Variants in CDC73 observed in about 807,000 individuals in gnomAD.
The protein encoded by CDC73 is cell division cycle 73.
In CDC73, 21 loss-of-function variants were observed where a neutral mutation model predicts 83.7. The ratio of observed to expected loss-of-function variants is 0.25; its 90% CI spans 0.18 to 0.36. The LOEUF (loss-of-function observed/expected upper bound fraction) is 0.36, where lower values mean the gene tolerates loss of function less well. CDC73 is among the 10% of genes least tolerant of loss of function. The pLI is 1.00. For missense variants in CDC73, 342 were observed against 653.3 expected (o/e 0.52, Z 5.19); for synonymous variants, 224 against 212.9 (o/e 1.05, Z -0.45).
At chr1:193,224,768 AT>A (rs1219140439) in intron 13 of CDC73, among the ~76,000 whole-genome samples, 2 of 152,152 alleles carry the variant, frequency 1.3e-5, no homozygotes, top group East Asian at 3.9e-4. Context: ...TATCAAAATA[AT>A]TATTTCAGAC....
At chr1:193,212,207 T>C (rs1677291527) in intron 12 of CDC73, 107 bp downstream of exon 12, 1 of 987,452 alleles carries the variant, frequency 1.0e-6, no homozygotes, top group Non-Finnish European at 1.6e-6. Context: ...GTGCTTGGTA[T>C]CCATTCTGAT....
intron 10 of CDC73, among the ~76,000 whole-genome samples, chr1:193,199,989 A>G (rs1677061626): frequency 6.6e-6 from 1 of 151,574 alleles, no homozygotes; most frequent in Non-Finnish European, 1.5e-5. Context: ...CACACCTGTA[A>G]TCCTAGCACT....
At chr1:193,124,891 A>G (rs553211296) in intron 1 of CDC73, among the ~76,000 whole-genome samples, 1 of 152,330 alleles carries the variant, frequency 6.6e-6, no homozygotes, top group African/African-American at 2.4e-5. Context: ...ACCTTAGAGT[A>G]TGAATTTTTT....
Position 193,236,240 on chromosome 1 carries a change from A to G in CDC73, c.1317-16A>G. ...GTCTGTCCCCTACCTCCCCCCACCC[A>G]CTTTTCTACTTGTAGGGACCGCGTT... On this transcript the variant is annotated splice_polypyrimidine_tract_variant and intron_variant, in intron 14 of 16. Coordinates refer to ENST00000367435, the MANE Select transcript of CDC73 (RefSeq NM_024529.5). The G allele has an allele frequency of 6.4e-7, 1 of 1,562,570 alleles. No homozygotes were observed. Among genetic ancestry groups the G allele is most frequent in the Non-Finnish European group, 8.8e-7 (1 of 1,133,192 alleles).
intron 10 of CDC73, among the ~76,000 whole-genome samples, chr1:193,172,537 G>T (rs1676533624): frequency 6.6e-6 from 1 of 152,100 alleles, no homozygotes; most frequent in Non-Finnish European, 1.5e-5. Context: ...GAGATGGATA[G>T]TTCATCCCAG....
chr1:193,144,982 C>T (rs1675971538), intron 7 of CDC73, among the ~76,000 whole-genome samples: 1 of 152,012 alleles, frequency 6.6e-6, no homozygotes, highest in Admixed American at 6.6e-5. Context: ...TCTTTTTCCA[C>T]CCATAAGTAA....
At chr1:193,169,267 G>A (rs923374188) in intron 10 of CDC73, among the ~76,000 whole-genome samples, 37 of 152,050 alleles carry the variant, frequency 2.4e-4, no homozygotes, top group African/African-American at 8.7e-4. Flanking sequence ...GAATGATGCT[G>A]GGTATGGTGG....
intron 10 of CDC73, among the ~76,000 whole-genome samples, chr1:193,157,222 A>G (rs568628072): frequency 1.3e-5 from 2 of 152,284 alleles, no homozygotes; most frequent in East Asian, 3.9e-4. Context: ...GTTATTGTAT[A>G]TATTTTAAGG....
intron 10 of CDC73, among the ~76,000 whole-genome samples, chr1:193,153,627 G>T (rs1676158895): frequency 6.6e-6 from 1 of 152,108 alleles, no homozygotes; most frequent in Admixed American, 6.5e-5. Flanking sequence ...CTGATTTTAA[G>T]TTTGTTTTTT....
intron 11 of CDC73, among the ~76,000 whole-genome samples, chr1:193,207,655 C>T (rs1328553693): frequency 1.3e-5 from 2 of 152,146 alleles, no homozygotes; most frequent in Non-Finnish European, 2.9e-5. Flanking sequence ...CTGCCTGACC[C>T]CACAGGCAGG....
chr1:193,212,999 C>T (rs1677303976), intron 13 of CDC73, among the ~76,000 whole-genome samples: 1 of 152,098 alleles, frequency 6.6e-6, no homozygotes, highest in Admixed American at 6.5e-5. Context: ...TGAATACAGT[C>T]ACACTTGTAC....
At chr1:193,129,426 C>T in intron 2 of CDC73, among the ~76,000 whole-genome samples, 1 of 151,828 alleles carries the variant, frequency 6.6e-6, no homozygotes, top group African/African-American at 2.4e-5. Flanking sequence ...GCCACTGTGC[C>T]TGGTCATTGC....
At chr1:193,151,054 A>G (rs1191912844) in intron 9 of CDC73, among the ~76,000 whole-genome samples, 1 of 152,192 alleles carries the variant, frequency 6.6e-6, no homozygotes, top group Admixed American at 6.6e-5. Context: ...TTACTTTGTG[A>G]TAGTCTACGT....
intron 10 of CDC73, among the ~76,000 whole-genome samples, chr1:193,167,332 A>G (rs1676450146): frequency 6.6e-6 from 1 of 152,214 alleles, no homozygotes; most frequent in South Asian, 2.1e-4. Context: ...GGCTACTCAT[A>G]GAGGCTAATT....
rs954310282 is a variant in CDC73 at position 193,252,249 on chromosome 1, C to T, written c.*1537C>T. The stretch of plus-strand genomic sequence containing the variant: ...TACCCCTATTTTCCTCCCTTTTTAG[C>T]GTCTTCTTTCCTTAAAGATAAAAGA... On this transcript the variant is annotated 3_prime_UTR_variant, in exon 17 of 17. Transcript: ENST00000367435. 3.5e-5 allele frequency: 8 copies of T among 230,416 alleles called. No homozygotes were observed. The highest frequency in any genetic ancestry group is 2.5e-4 in the East Asian group (4 of 16,204). 14.3% of individuals were successfully genotyped at this position (230,416 alleles called of 1,614,324 possible). A position where few individuals can be genotyped will look rare whatever the true frequency, so the allele number is the denominator to read the frequency against.
At chr1:193,214,202 A>G (rs778457057) in intron 13 of CDC73, among the ~76,000 whole-genome samples, 2 of 151,984 alleles carry the variant, frequency 1.3e-5, no homozygotes, top group Non-Finnish European at 2.9e-5. Context: ...CATTTTCTTC[A>G]TTTGTAGCCG....
intron 2 of CDC73, among the ~76,000 whole-genome samples, chr1:193,129,518 T>TTATG (rs1675653624): frequency 6.6e-6 from 1 of 151,644 alleles, no homozygotes; most frequent in Non-Finnish European, 1.5e-5. Flanking sequence ...ATTTATTTAT[T>TTATG]TATTTAGAGA....
chr1:193,243,381 A>G (rs997510685), intron 15 of CDC73, among the ~76,000 whole-genome samples: 1 of 152,174 alleles, frequency 6.6e-6, no homozygotes, highest in Non-Finnish European at 1.5e-5. Flanking sequence ...GTGAAACTTT[A>G]TATGTTTTTA....
At chr1:193,132,107 A>G (rs1042352223) in intron 3 of CDC73, among the ~76,000 whole-genome samples, 1 of 152,242 alleles carries the variant, frequency 6.6e-6, no homozygotes, top group African/African-American at 2.4e-5. Flanking sequence ...GTACATTGAT[A>G]TAATACAACT....
Sources: gnomAD v4.1 joint callset for allele counts (sites outside exome capture counted in the v4.1 genomes callset) on GRCh38, gnomAD v4.1.1 for gene constraint, MANE v1.5 for transcripts, NCBI Gene and HGNC (gene_info 2026-07-23, HGNC 2026-07-21) for gene names.